Variants in TERF2 observed in about 807,000 individuals in gnomAD.
TERF2 encodes the protein telomeric repeat-binding factor 2.
In TERF2, 16 loss-of-function variants were observed where a neutral mutation model predicts 56.1. The ratio of observed to expected loss-of-function variants is 0.29; its 90% CI spans 0.19 to 0.43. The LOEUF (loss-of-function observed/expected upper bound fraction) is 0.43. TERF2 is among the 20% of genes least tolerant of loss of function. The pLI is 1.00. For synonymous variants in TERF2, 296 were observed against 282.1 expected (o/e 1.05, Z -0.50); for missense variants, 547 against 712.9 (o/e 0.77, Z 2.65).
chr16:69,368,647 A>C (rs2013443418), intron 5 of TERF2, 165 bp from the exon 6 acceptor site: 1 of 1,516,626 alleles, frequency 6.6e-7, no homozygotes, highest in Non-Finnish European at 8.8e-7. Flanking sequence ...AAGACTTATA[A>C]ATCAAGCTTT....
intron 4 of TERF2, 86 bp from the exon 5 acceptor site, chr16:69,370,715 G>C (rs1348734241): frequency 7.4e-5 from 101 of 1,362,804 alleles, no homozygotes; most frequent in Non-Finnish European, 9.4e-5. Context: ...GACACTATGA[G>C]AACTTCTGCA....
rs1409252965 is a variant in TERF2, at chr16:69,385,812, C to T, written c.160G>A (p.Gly54Arg). 3.1e-6 allele frequency: 4 copies of T among 1,310,202 alleles called. No homozygotes were observed. The highest frequency in any genetic ancestry group is 3.9e-6 in the Non-Finnish European group (4 of 1,029,100). 81.2% of individuals were successfully genotyped at this position (1,310,202 alleles called of 1,614,324 possible). ...GACGCCCGCCTGCCAGCTGCCCGCC[C>T]GCTGCCGTCGCTACTCCCGCCTCCT... The part of the protein sequence containing the change: ...AGGGGSSDGS[G>R]RAAGRRASRS... Residue 54 changes from glycine to arginine, a missense_variant, in exon 1 of 10, where the codon GGG (glycine) becomes AGG (arginine). Coordinates refer to ENST00000254942, the MANE Select transcript of TERF2 (RefSeq NM_005652.5).
chr16:69,378,557 GC>G (rs1476900727), intron 3 of TERF2, among the ~76,000 whole-genome samples: 1 of 152,312 alleles, frequency 6.6e-6, no homozygotes, highest in East Asian at 1.9e-4. Flanking sequence ...TTCTCTTGGT[GC>G]TCTTTCTGTT....
intron 6 of TERF2, 119 bp downstream of exon 6, chr16:69,368,257 C>T (rs1366641455): frequency 1.1e-6 from 1 of 900,060 alleles, no homozygotes; most frequent in African/African-American, 1.6e-5. Flanking sequence ...GTATGAGTAA[C>T]CTCGTAACAC....
intron 3 of TERF2, among the ~76,000 whole-genome samples, chr16:69,373,560 T>A (rs539718830): frequency 6.6e-6 from 1 of 152,262 alleles, no homozygotes; most frequent in Non-Finnish European, 1.5e-5. Context: ...TGTGGCAGCT[T>A]ACAACTGTAC....
chr16:69,382,144 G>A (rs1390317670), intron 3 of TERF2, among the ~76,000 whole-genome samples: 1 of 152,198 alleles, frequency 6.6e-6, no homozygotes, highest in Non-Finnish European at 1.5e-5. Flanking sequence ...TGACCTCATG[G>A]CTTCTCTGAA....
At chr16:69,381,149 C>T (rs1305005264) in intron 3 of TERF2, among the ~76,000 whole-genome samples, 1 of 152,168 alleles carries the variant, frequency 6.6e-6, no homozygotes. Context: ...TACCAATCTT[C>T]AGAAAAGACT....
At chr16:69,382,025 C>A (rs72797163) in intron 3 of TERF2, among the ~76,000 whole-genome samples, 6,942 of 152,212 alleles carry the variant, frequency 0.046, 216 homozygotes, top group South Asian at 0.081. Flanking sequence ...ATCTTGATCA[C>A]GCTAAGGAAT....
chr16:69,365,006 G>A (rs2013285861), intron 7 of TERF2: 1 of 152,276 alleles, frequency 6.6e-6, no homozygotes, highest in Non-Finnish European at 1.5e-5. Context: ...ACAGGCAGTA[G>A]GCTGATTTGG....
chr16:69,382,496 T>A (rs987327722), intron 3 of TERF2, among the ~76,000 whole-genome samples: 4 of 152,196 alleles, frequency 2.6e-5, no homozygotes, highest in Admixed American at 6.5e-5. Context: ...CGGAGTCCCA[T>A]TCACACTCTA....
At chr16:69,381,540 G>A (rs991366571) in intron 3 of TERF2, among the ~76,000 whole-genome samples, 1 of 151,482 alleles carries the variant, frequency 6.6e-6, no homozygotes, top group Non-Finnish European at 1.5e-5. Flanking sequence ...GAGTACAGAG[G>A]TATGATATCA....
intron 3 of TERF2, among the ~76,000 whole-genome samples, chr16:69,381,593 G>A (rs1331264967): frequency 1.3e-5 from 2 of 151,240 alleles, no homozygotes; most frequent in East Asian, 3.9e-4. Context: ...TGATCCTTCT[G>A]CCTCAGCCTC....
intron 3 of TERF2, among the ~76,000 whole-genome samples, chr16:69,372,641 A>G (rs531029487): frequency 6.6e-6 from 1 of 152,222 alleles, no homozygotes; most frequent in South Asian, 2.1e-4. Flanking sequence ...GCATGCCTGT[A>G]ATCCCAGCTA....
chr16:69,380,824 G>A (rs1253998325), intron 3 of TERF2, among the ~76,000 whole-genome samples: 2 of 143,546 alleles, frequency 1.4e-5, no homozygotes, highest in Non-Finnish European at 3.0e-5. Flanking sequence ...TTTTTTCTGA[G>A]ATGGAGTCTC....
intron 2 of TERF2, 172 bp from the exon 3 acceptor site, chr16:69,384,882 T>G (rs2014132603): frequency 1.8e-6 from 1 of 568,114 alleles, no homozygotes; most frequent in Admixed American, 4.0e-5. Context: ...GGGTCCAAAT[T>G]CAAATCAATG....
intron 7 of TERF2, among the ~76,000 whole-genome samples, 154 bp from the exon 8 acceptor site, chr16:69,361,643 C>T (rs1469610687): frequency 6.6e-6 from 1 of 152,150 alleles, no homozygotes. Context: ...AAGCCACTGT[C>T]CTTTCTCCTG....
intron 7 of TERF2, among the ~76,000 whole-genome samples, chr16:69,363,878 T>G (rs748829898): frequency 6.6e-6 from 1 of 151,732 alleles, no homozygotes; most frequent in Non-Finnish European, 1.5e-5. Context: ...GCGGGGATGG[T>G]GGCTGAGGTA....
chr16:69,379,785 G>A (rs951591115), intron 3 of TERF2, among the ~76,000 whole-genome samples: 1 of 152,150 alleles, frequency 6.6e-6, no homozygotes, highest in African/African-American at 2.4e-5. Context: ...TAAGATAAAA[G>A]TTTAATGAGA....
At position 69,385,729 on chromosome 16, in the gene TERF2, C is replaced by G. The variant is rs892322167; in HGVS notation, c.243G>C (p.Ala81=). The part of the protein sequence containing the change: ...GRHEPGLGGP[A]ERGAGEARLE... ...GCCGTGCCTCCCCCGCGCCGCGCTC[C>G]GCCGGGCCCCCCAGCCCCGGCTCGT... Residue 81 remains alanine (A), a synonymous_variant, in exon 1 of 10, where the codon GCG becomes GCC. Coordinates refer to ENST00000254942, the MANE Select transcript of TERF2 (RefSeq NM_005652.5). 3.8e-6 allele frequency: 6 copies of G among 1,558,714 alleles called. No individual in the cohort carries two copies. The highest frequency in any genetic ancestry group is 1.9e-5 in the Admixed American group (1 of 53,370).
Sources: gnomAD v4.1 joint callset for allele counts (sites outside exome capture counted in the v4.1 genomes callset) on GRCh38, gnomAD v4.1.1 for gene constraint, MANE v1.5 for transcripts, NCBI Gene and HGNC (gene_info 2026-07-23, HGNC 2026-07-21) for gene names.